CCNY: variants seen among roughly 807,000 people sequenced by gnomAD.
The protein encoded by CCNY is cyclin-Y.
CCNY carries 19 observed loss-of-function variants against 42.8 expected under a neutral mutation model. The observed-to-expected ratio is 0.44, with a 90% CI of 0.31 to 0.65. The LOEUF is 0.65. CCNY is among the 30% of genes least tolerant of loss of function. The probability of loss-of-function intolerance (pLI) is 0.07; values close to 1 mark genes in which losing one functional copy is unlikely to be tolerated. For missense variants in CCNY, 370 were observed against 437.3 expected, an observed-to-expected ratio of 0.85 and a Z score of 1.37; for synonymous variants, 165 against 162.7, an observed-to-expected ratio of 1.01 and a Z score of -0.11.
At chr10:35,373,188 G>A (rs1158786841) in intron 1 of CCNY, among the ~76,000 whole-genome samples, 1 of 152,184 alleles carries the variant, frequency 6.6e-6, no homozygotes, top group African/African-American at 2.4e-5. Context: ...GTGCGGTTTT[G>A]GGTGATTGCA....
chr10:35,317,954 C>T (rs769452317), intron 3 of CCNY, among the ~76,000 whole-genome samples: 39 of 152,170 alleles, frequency 2.6e-4, no homozygotes, highest in Non-Finnish European at 5.0e-4. Flanking sequence ...TCCAGCCTGG[C>T]GCTGTGGCTC....
At chr10:35,288,435 T>C (rs147595598) in intron 3 of CCNY, among the ~76,000 whole-genome samples, 2 of 152,254 alleles carry the variant, frequency 1.3e-5, no homozygotes, top group East Asian at 3.9e-4. Flanking sequence ...TATATGTATA[T>C]ATGTATTTTT....
chr10:35,371,562 T>C (rs533101090), intron 1 of CCNY, among the ~76,000 whole-genome samples: 2 of 152,342 alleles, frequency 1.3e-5, no homozygotes, highest in East Asian at 3.9e-4. Context: ...CATACTGACC[T>C]TCCCAACCAA....
intron 2 of CCNY, among the ~76,000 whole-genome samples, chr10:35,500,946 A>G (rs1338317064): frequency 6.6e-6 from 1 of 152,206 alleles, no homozygotes; most frequent in East Asian, 1.9e-4. Flanking sequence ...GTTGGGTGCC[A>G]CAAGGAGCTC....
intron 1 of CCNY, among the ~76,000 whole-genome samples, chr10:35,354,475 G>A (rs1589054989): frequency 2.6e-5 from 4 of 152,266 alleles, no homozygotes; most frequent in African/African-American, 2.4e-5. Flanking sequence ...ATGAGTCACC[G>A]CACCTGGCTG....
rs757010312 is a variant in CCNY at position 35,553,014 on chromosome 10, C to G, written c.580-5C>G. ...CTTAGCTCTGGCATTGTCTTGTCTT[C>G]CCAGGTGTACCTTGAAAGACTTTTA... On this transcript the variant is annotated splice_polypyrimidine_tract_variant and splice_region_variant and intron_variant, in intron 7 of 9. Coordinates refer to ENST00000374704, the MANE Select transcript of CCNY (RefSeq NM_145012.6). The G allele has an allele frequency of 1.2e-6, 2 of 1,612,826 alleles. No homozygotes were observed. Among genetic ancestry groups the G allele is most frequent in the Non-Finnish European group, 1.7e-6 (2 of 1,178,924 alleles).
chr10:35,379,325 A>G (rs1375608902), intron 1 of CCNY, among the ~76,000 whole-genome samples: 5 of 152,170 alleles, frequency 3.3e-5, no homozygotes, highest in African/African-American at 9.7e-5. Flanking sequence ...ACTTCCTGCA[A>G]GTGCCAAAGG....
chr10:35,342,568 T>C (rs1189009264), intron 1 of CCNY, among the ~76,000 whole-genome samples: 1 of 152,170 alleles, frequency 6.6e-6, no homozygotes, highest in African/African-American at 2.4e-5. Flanking sequence ...ACACACCCAT[T>C]TTACAGGTGG....
At chr10:35,489,293 TTTTTGTTTTG>T (rs199737189) in intron 2 of CCNY, among the ~76,000 whole-genome samples, 2 of 152,106 alleles carry the variant, frequency 1.3e-5, no homozygotes, top group Admixed American at 6.5e-5. Context: ...AAGCCTTTGT[TTTTTGTTTTG>T]TTTTGTTTTG....
chr10:35,558,798 G>T (rs1450604850), intron 8 of CCNY, among the ~76,000 whole-genome samples: 2 of 152,190 alleles, frequency 1.3e-5, no homozygotes, highest in Admixed American at 6.5e-5. Context: ...TGGACTAGTA[G>T]CCTCTAGAAT....
intron 3 of CCNY, among the ~76,000 whole-genome samples, chr10:35,513,822 G>A (rs1392484566): frequency 6.6e-6 from 1 of 152,176 alleles, no homozygotes; most frequent in Non-Finnish European, 1.5e-5. Flanking sequence ...GTCTGTGTGT[G>A]CATGTGCACG....
chr10:35,549,401 T>C (rs1841194509), intron 7 of CCNY, among the ~76,000 whole-genome samples: 1 of 151,716 alleles, frequency 6.6e-6, no homozygotes, highest in Non-Finnish European at 1.5e-5. Flanking sequence ...GACCCTGTGC[T>C]CCTCATGGCC....
intron 1 of CCNY, among the ~76,000 whole-genome samples, chr10:35,372,835 CGT>C (rs1564386865): frequency 9.9e-5 from 15 of 152,002 alleles, no homozygotes; most frequent in Non-Finnish European, 1.3e-4. Flanking sequence ...GAGCAGCTGG[CGT>C]TACAGGCGCC....
At position 35,337,205 on chromosome 10, in the gene CCNY, A is replaced by G. The variant is rs1836060329; in HGVS notation, c.152A>G (p.Asp51Gly). The G allele has an allele frequency of 6.5e-7, 1 of 1,543,354 alleles. No homozygotes were observed. The highest frequency in any genetic ancestry group is 8.7e-7 in the Non-Finnish European group (1 of 1,144,804). The change falls in exon 1 of 10, where the codon GAC becomes GGC. Residue 51 changes from aspartate to glycine, a missense_variant and splice_region_variant. Transcript: ENST00000374704. ...CACATCAGCGACCGGGAGAACATAG[A>G]CGGTGAGTGCGGCCCGCCGAGCCCC... ...LQHISDRENI[D>G]DLNMEFNPSD...
intron 1 of CCNY, among the ~76,000 whole-genome samples, chr10:35,461,567 A>G (rs1839158235): frequency 2.0e-5 from 3 of 152,104 alleles, no homozygotes; most frequent in South Asian, 4.1e-4. Context: ...AAGGAAGTGC[A>G]CAGTTGGGCC....
chr10:35,277,042 A>T (rs2135049359), intron 3 of CCNY, among the ~76,000 whole-genome samples: 1 of 152,326 alleles, frequency 6.6e-6, no homozygotes, highest in South Asian at 2.1e-4. Flanking sequence ...ATTCCATCTC[A>T]TGCATATTCT....
intron 1 of CCNY, among the ~76,000 whole-genome samples, chr10:35,454,928 A>G (rs1259147409): frequency 1.3e-5 from 2 of 152,232 alleles, no homozygotes; most frequent in Admixed American, 6.5e-5. Context: ...GATTTTGCCT[A>G]GAGAGTTTTC....
At chr10:35,435,390 C>T (rs1838506821) in intron 1 of CCNY, among the ~76,000 whole-genome samples, 1 of 152,160 alleles carries the variant, frequency 6.6e-6, no homozygotes, top group Admixed American at 6.5e-5. Flanking sequence ...AGGGATTAAG[C>T]CCAATGTGTG....
chr10:35,525,409 C>A (rs1289529285), intron 4 of CCNY, among the ~76,000 whole-genome samples: 2 of 152,020 alleles, frequency 1.3e-5, no homozygotes, highest in Non-Finnish European at 2.9e-5. Flanking sequence ...TAAATTCAGA[C>A]CTTTTAAAAT....
Sources: allele counts gnomAD v4.1 joint callset (sites outside exome capture counted in the v4.1 genomes callset), GRCh38; gene constraint gnomAD v4.1.1; transcripts MANE v1.5; gene names NCBI Gene and HGNC (gene_info 2026-07-23, HGNC 2026-07-21).